Variants in FTCD observed in about 807,000 individuals in gnomAD.
The protein encoded by FTCD is formimidoyltransferase-cyclodeaminase.
A neutral mutation model predicts 62.9 loss-of-function variants in FTCD; 76 were observed. The observed-to-expected ratio is 1.21, with a 90% confidence interval of 1.00 to 1.46. The LOEUF (loss-of-function observed/expected upper bound fraction) is 1.46. FTCD is among the 40% of genes most tolerant of loss of function. The pLI, the probability that FTCD is intolerant of heterozygous loss-of-function variation, is 0.00. For synonymous variants in FTCD, 397 were observed against 336.9 expected (o/e 1.18, Z -1.95); for missense variants, 845 against 751.3 (o/e 1.12, Z -1.46).
At chr21:46,140,313 C>A (rs555446431) in intron 10 of FTCD, among the ~76,000 whole-genome samples, 90 of 148,376 alleles carry the variant, frequency 6.1e-4, no homozygotes, top group Non-Finnish European at 1.1e-3. Context: ...CAGCCCTCCC[C>A]GTCCACCTTC....
Position 46,154,351 on chromosome 21 carries a change from C to T in FTCD, c.55-19G>A. The T allele has an allele frequency of 6.2e-7, 1 of 1,603,708 alleles. No homozygotes were observed. The stretch of plus-strand genomic sequence containing the variant: ...CGATCACCTGGGACACAGGCCCGGC[C>T]CCCACACCTCAGTCTCCCCGTTTGA... On this transcript the variant is annotated intron_variant, in intron 1 of 13. Coordinates refer to ENST00000397746, the MANE Select transcript of FTCD (RefSeq NM_206965.2).
chr21:46,138,668 C>A (rs1472843167), intron 11 of FTCD, 22 bp from the exon 12 acceptor site: 1 of 1,595,258 alleles, frequency 6.3e-7, no homozygotes, highest in Non-Finnish European at 8.5e-7. Context: ...AAGAGGAGAG[C>A]CTGAGCACAG....
rs2078931923 is a variant in FTCD, at chr21:46,138,888, T to C, written c.1296A>G (p.Glu432=). Residue 432 remains glutamate (E), a synonymous_variant, in exon 11 of 14, where the codon GAA becomes GAG. Coordinates refer to ENST00000397746, the MANE Select transcript of FTCD (RefSeq NM_206965.2). ...AMRLPKNTPE[E]KDRRTAALQE... ...CGGCCCTCCAGGCTCACCTGTCCTT[T>C]TCCTCAGGTGTGTTCTTGGGGAGCC... 1 of 1,612,528 alleles carries C rather than the reference T, an allele frequency of 6.2e-7. No homozygotes were observed. The highest frequency in any genetic ancestry group is 1.1e-5 in the South Asian group (1 of 91,062).
At chr21:46,152,689 C>T in intron 3 of FTCD, 1 of 500,800 alleles carries the variant, frequency 2.0e-6, no homozygotes, top group Non-Finnish European at 3.5e-6. Flanking sequence ...TGCAGCTGCT[C>T]TGCGGTGTAG....
chr21:46,153,103 T>C lies in FTCD; in HGVS notation c.239-68A>G, dbSNP rs2123577639. The C allele has an allele frequency of 3.4e-6, 5 of 1,485,912 alleles. No individual in the cohort carries two copies. The Admixed American group carries it at 6.0e-5, about 18-fold the overall frequency. 92.0% of individuals were successfully genotyped at this position (1,485,912 alleles called of 1,614,324 possible). On this transcript the variant is annotated intron_variant, in intron 2 of 13. Coordinates refer to ENST00000397746, the MANE Select transcript of FTCD (RefSeq NM_206965.2). ...AGCGGGTGGGAGCTCCACGGGGTTCTCGGACCCTCTGTCCTCTCCGGCCTG... is the reference window on the plus strand; with the variant it reads ...AGCGGGTGGGAGCTCCACGGGGTTCCCGGACCCTCTGTCCTCTCCGGCCTG...
Position 46,153,050 on chromosome 21 carries a change from C to A in FTCD, c.239-15G>T. 1.3e-6 allele frequency: 2 copies of A among 1,544,218 alleles called. No individual in the cohort carries two copies. The highest frequency in any genetic ancestry group is 1.7e-6 in the Non-Finnish European group (2 of 1,145,152). On this transcript the variant is annotated splice_polypyrimidine_tract_variant and intron_variant, in intron 2 of 13. Coordinates refer to ENST00000397746, the MANE Select transcript of FTCD (RefSeq NM_206965.2). ...GGGGTGCTCTCCTGCAGAGAGACGG[C>A]GAGGCCGGGCAGGAGGCCAGGTGTG...
rs373127146 is a variant in FTCD at position 46,145,884 on chromosome 21, C to T, written c.1032G>A (p.Val344=). The T allele has an allele frequency of 4.0e-6, 6 of 1,482,554 alleles. No individual in the cohort carries two copies. Among genetic ancestry groups the T allele is most frequent in the South Asian group, 3.8e-5 (3 of 79,002 alleles). The allele number at this position is 1,482,554 out of a possible 1,614,324, so 91.8% of individuals were successfully genotyped here. A position where few individuals can be genotyped will look rare whatever the true frequency, so the allele number is the denominator to read the frequency against. Residue 344 remains valine, a synonymous_variant, in exon 9 of 14, where the codon GTG becomes GTA. Transcript: ENST00000397746. ...GLGSKSLRAF[V]GEVGARSAAP... ...CCGCAGAGCGGGCACCCACCTCCCCCACGAAGGCGCGCAGGGACTTGCTGC... is the reference window on the plus strand; with the variant it reads ...CCGCAGAGCGGGCACCCACCTCCCCTACGAAGGCGCGCAGGGACTTGCTGC...
chr21:46,143,171 C>T (rs546235510), intron 10 of FTCD, among the ~76,000 whole-genome samples: 2 of 152,294 alleles, frequency 1.3e-5, no homozygotes, highest in East Asian at 3.9e-4. Context: ...GCCTGCCTTT[C>T]TCACCCAGCC....
intron 10 of FTCD, chr21:46,142,022 A>T (rs1259960553): frequency 6.6e-6 from 1 of 152,396 alleles, no homozygotes; most frequent in Non-Finnish European, 1.5e-5. Flanking sequence ...CTGAGGCAGC[A>T]AGAGAGGCGA....
chr21:46,137,002 C>G lies in FTCD; in HGVS notation c.1611G>C (p.Glu537Asp). ...TQAALVLDCLETRQE is the reference protein window; with the variant it reads ...TQAALVLDCLDTRQE Reference sequence around the variant, plus strand: ...TCCCGCACCGTCACTCCTGCCGGGTCTCCAAGCAGTCCAGCACCAGTGCAG... The same window carrying G: ...TCCCGCACCGTCACTCCTGCCGGGTGTCCAAGCAGTCCAGCACCAGTGCAG... Residue 537 changes from glutamate to aspartate, a missense_variant, in exon 14 of 14, where the codon GAG becomes GAC. Transcript: ENST00000397746. The G allele has an allele frequency of 6.2e-7, 1 of 1,613,476 alleles. No homozygotes were observed. Among genetic ancestry groups the G allele is most frequent in the Non-Finnish European group, 8.5e-7 (1 of 1,180,014 alleles).
rs1415139152 is a variant in FTCD, at chr21:46,145,165, T to C, written c.1260+252A>G. Among the ~76,000 whole-genome samples, 8 of 152,290 alleles carry C rather than the reference T, an allele frequency of 5.3e-5. No homozygotes were observed. In the East Asian group the frequency reaches 1.5e-3, roughly 29 times the overall value. On this transcript the variant is annotated intron_variant, in intron 10 of 13. Coordinates refer to ENST00000397746, the MANE Select transcript of FTCD (RefSeq NM_206965.2). Reference sequence around the variant, plus strand: ...CTGCTGGGAGGGGCCTGTTCCCTTGTACCGGCTGCCATGGCCTGTGAATGT... The same window carrying C: ...CTGCTGGGAGGGGCCTGTTCCCTTGCACCGGCTGCCATGGCCTGTGAATGT...
At position 46,145,820 on chromosome 21, in the gene FTCD, TG is replaced by T; in HGVS notation, c.1095del (p.Met366TrpfsTer12). ...GGGSVAAAAAAMGAALGSMVG... is the reference protein window; with the variant it reads ...GGGSVAAAAAXMGAALGSMVG... ...CCTGCCCCTCCCCCCGCGCTCACCA[TG>T]GCCGCAGCGGCCGCCGCCACCGAGC... On this transcript the variant is annotated frameshift_variant, in exon 9 of 14. Coordinates refer to ENST00000397746, the MANE Select transcript of FTCD (RefSeq NM_206965.2). LOFTEE classifies it high-confidence loss of function. 2.3e-6 allele frequency: 1 copy of T among 441,346 alleles called. No homozygotes were observed. The highest frequency in any genetic ancestry group is 2.6e-6 in the Non-Finnish European group (1 of 379,846). 27.3% of individuals were successfully genotyped at this position (441,346 alleles called of 1,614,324 possible).
rs575700451 is a variant in FTCD at position 46,149,758 on chromosome 21, G to C, written c.906+361C>G. ...CGTGGATGGGGATCTAAGTCCCATA[G>C]CTAAAGGCACACACATCCATGAGCT... On this transcript the variant is annotated intron_variant, in intron 7 of 13. Transcript: ENST00000397746. Among the ~76,000 whole-genome samples the C allele has an allele frequency of 3.7e-3, 565 of 152,312 alleles. 2 individuals are homozygous for C. Among genetic ancestry groups the C allele is most frequent in the Non-Finnish European group, 5.4e-3 (365 of 68,030 alleles).
At chr21:46,138,300 C>T (rs894929735) in intron 12 of FTCD, among the ~76,000 whole-genome samples, 2 of 152,188 alleles carry the variant, frequency 1.3e-5, no homozygotes, top group African/African-American at 2.4e-5. Flanking sequence ...TTTGGGTCTC[C>T]GTCTGTGGTG....
At chr21:46,136,691 G>C (rs2123471642), downstream of FTCD, 1 of 1,465,142 alleles carries the variant, frequency 6.8e-7, no homozygotes, top group African/African-American at 1.4e-5. Flanking sequence ...GGCTCCCATG[G>C]GCCACTGACC....
chr21:46,150,294 G>C, intron 6 of FTCD, 44 bp from the exon 7 acceptor site: 1 of 1,608,866 alleles, frequency 6.2e-7, no homozygotes, highest in Non-Finnish European at 8.5e-7. Flanking sequence ...GCTGGCTGGA[G>C]AATGGCCCTG....
At position 46,151,660 on chromosome 21, in the gene FTCD, C is replaced by T. The variant is rs557774996; in HGVS notation, c.534G>A (p.Ala178=). Residue 178 remains alanine (A), a synonymous_variant, in exon 5 of 14, where the codon GCG becomes GCA. Coordinates refer to ENST00000397746, the MANE Select transcript of FTCD (RefSeq NM_206965.2). ...TGTTAAAAGCAATGAGGAACTTCCTCGCCCCCGTGGCCGTGGCCCCCCAAC... is the reference window on the plus strand; with the variant it reads ...TGTTAAAAGCAATGAGGAACTTCCTTGCCCCCGTGGCCGTGGCCCCCCAAC... ...VPSWGATATG[A]RKFLIAFNIN... is the part of the protein sequence containing the mutation. The T allele has an allele frequency of 3.1e-5, 50 of 1,612,942 alleles. 1 individual carries two copies. The highest frequency in any genetic ancestry group is 1.4e-4 in the South Asian group (13 of 91,096).
At chr21:46,137,376 G>T in intron 12 of FTCD, 42 bp from the exon 13 acceptor site, 1 of 1,441,356 alleles carries the variant, frequency 6.9e-7, no homozygotes, top group Non-Finnish European at 9.8e-7. Context: ...TCAAGGCTGA[G>T]CAAACTGCCG....
chr21:46,150,574 C>CT (rs2079246445), intron 5 of FTCD, 49 bp from the exon 6 acceptor site: 1 of 1,601,424 alleles, frequency 6.2e-7, no homozygotes, highest in African/African-American at 1.3e-5. Flanking sequence ...CTCATCCTGC[C>CT]TGGCCCTGCC....
Sources: gnomAD v4.1 joint callset for allele counts (sites outside exome capture counted in the v4.1 genomes callset) on GRCh38, gnomAD v4.1.1 for gene constraint, MANE v1.5 for transcripts, NCBI Gene and HGNC (gene_info 2026-07-23, HGNC 2026-07-21) for gene names.